The following EIF4G3 variants were observed in gnomAD, a reference collection of about 807,000 sequenced individuals.
EIF4G3 encodes the protein eukaryotic translation initiation factor 4 gamma 3.
EIF4G3 carries 34 observed loss-of-function variants against 186.4 expected under a neutral mutation model. The observed-to-expected ratio is 0.18, with a 90% CI of 0.14 to 0.24. The LOEUF is 0.24. Among genes scored for constraint, EIF4G3 ranks in the 10% least tolerant of loss-of-function variants. The probability of loss-of-function intolerance (pLI) is 1.00; values close to 1 mark genes in which losing one functional copy is unlikely to be tolerated. For missense variants in EIF4G3, 1,536 were observed against 1,948.5 expected (o/e 0.79, Z 3.99); for synonymous variants, 673 against 679.5 (o/e 0.99, Z 0.15).
chr1:20,902,066 A>ATTTT (rs764509538), intron 15 of EIF4G3, among the ~76,000 whole-genome samples: 1 of 143,546 alleles, frequency 7.0e-6, no homozygotes, highest in Non-Finnish European at 1.5e-5. Context: ...CTAGGCTATA[A>ATTTT]TTTTTTTTTT....
At chr1:21,086,938 CAAAAAAA>C (rs71014153) in intron 3 of EIF4G3, among the ~76,000 whole-genome samples, 2 of 76,562 alleles carry the variant, frequency 2.6e-5, no homozygotes, top group Non-Finnish European at 5.4e-5. Context: ...GATTCCTTCT[CAAAAAAA>C]AAAAAAAAGA....
chr1:20,869,116 T>C (rs915098091), intron 20 of EIF4G3, among the ~76,000 whole-genome samples: 4 of 152,148 alleles, frequency 2.6e-5, no homozygotes, highest in African/African-American at 9.7e-5. Context: ...TGGCTTGGCA[T>C]GTTCAGGATT....
chr1:20,831,282 T>A (rs914017502), intron 30 of EIF4G3, among the ~76,000 whole-genome samples: 2 of 151,380 alleles, frequency 1.3e-5, no homozygotes, highest in African/African-American at 4.8e-5. Context: ...ATATTAATTT[T>A]TTTTTTTTTT....
intron 2 of EIF4G3, among the ~76,000 whole-genome samples, chr1:21,140,675 G>A (rs2097322642): frequency 6.6e-6 from 1 of 152,186 alleles, no homozygotes; most frequent in South Asian, 2.1e-4. Context: ...TTTCAGCAAT[G>A]GCTGATGTGA....
chr1:21,064,631 G>T (rs2095132292), intron 3 of EIF4G3: 1 of 152,066 alleles, frequency 6.6e-6, no homozygotes, highest in Non-Finnish European at 1.5e-5. Context: ...ACCTTGATCA[G>T]TTAGGAATGA....
At chr1:20,817,732 C>T (rs1168576870) in intron 33 of EIF4G3, among the ~76,000 whole-genome samples, 194 bp from the exon 34 acceptor site, 1 of 137,568 alleles carries the variant, frequency 7.3e-6, no homozygotes, top group Non-Finnish European at 1.5e-5. Context: ...GTCATCCAGG[C>T]TGGAGTAGTT....
At chr1:21,083,038 A>C (rs2095841427) in intron 3 of EIF4G3, among the ~76,000 whole-genome samples, 1 of 7,048 alleles carries the variant, frequency 1.4e-4, no homozygotes, top group African/African-American at 2.1e-4. Context: ...ACTCTGTCTC[A>C]AAAAAAAAAA....
intron 4 of EIF4G3, among the ~76,000 whole-genome samples, chr1:21,045,909 C>T (rs1011651706): frequency 3.9e-5 from 6 of 152,106 alleles, no homozygotes; most frequent in South Asian, 2.1e-4. Context: ...CCAAAACCCA[C>T]GGAAGTCTTA....
At position 21,117,736 on chromosome 1, in the gene EIF4G3, TAAAAA is replaced by T. The variant is rs71014156; in HGVS notation, c.-271-28528_-271-28524del. ...GGCCTTTCACTGTCCCAGTATATAG[TAAAAA>T]AAAAAAAAAAAAAAAAAAAATTAAA... On this transcript the variant is annotated intron_variant, in intron 2 of 36. Coordinates refer to ENST00000602326, the MANE Select transcript of EIF4G3 (RefSeq NM_001391906.1). Among the ~76,000 whole-genome samples the T allele has an allele frequency of 8.0e-3, 587 of 73,082 alleles. 8 individuals carry two copies. Among genetic ancestry groups the T allele is most frequent in the African/African-American group, 0.025 (531 of 20,832 alleles). The allele number at this position is 73,082 out of a possible 152,430, so 47.9% of individuals were successfully genotyped here. A position where few individuals can be genotyped will look rare whatever the true frequency, so the allele number is the denominator to read the frequency against.
Position 21,050,963 on chromosome 1 carries a change from G to A in EIF4G3, c.-164C>T, listed in dbSNP as rs2094175889. On this transcript the variant is annotated 5_prime_UTR_variant, in exon 4 of 37. Coordinates refer to ENST00000602326, the MANE Select transcript of EIF4G3 (RefSeq NM_001391906.1). ...ATGTGCTGAATAAGGGGATGGGGTAGGGGTTCCCGGCTGTCTTGCCACTTG... is the reference window on the plus strand; with the variant it reads ...ATGTGCTGAATAAGGGGATGGGGTAAGGGTTCCCGGCTGTCTTGCCACTTG... 1.4e-6 allele frequency: 1 copy of A among 717,530 alleles called. No homozygotes were observed. Among genetic ancestry groups the A allele is most frequent in the Non-Finnish European group, 2.6e-6 (1 of 385,074 alleles). The allele number at this position is 717,530 out of a possible 1,614,324, so 44.4% of individuals were successfully genotyped here.
intron 4 of EIF4G3, among the ~76,000 whole-genome samples, chr1:21,024,251 G>A (rs548439533): frequency 5.4e-5 from 8 of 147,014 alleles, no homozygotes; most frequent in African/African-American, 1.8e-4. Context: ...CAGCCGCCCC[G>A]TCCGGGAGGT....
chr1:20,996,791 A>C (rs1293920589), intron 7 of EIF4G3, among the ~76,000 whole-genome samples: 1 of 152,204 alleles, frequency 6.6e-6, no homozygotes, highest in Non-Finnish European at 1.5e-5. Flanking sequence ...AGACTTGCCT[A>C]ACCAGCTGGT....
chr1:20,952,436 A>G (rs1040240735), intron 12 of EIF4G3, among the ~76,000 whole-genome samples: 8 of 152,144 alleles, frequency 5.3e-5, no homozygotes, highest in African/African-American at 1.9e-4. Context: ...TTACAGACGT[A>G]AGCCACTGCG....
intron 1 of EIF4G3, among the ~76,000 whole-genome samples, 173 bp from the exon 2 acceptor site, chr1:21,176,531 G>A (rs898065119): frequency 0.011 from 1,577 of 138,452 alleles, 16 homozygotes; most frequent in Non-Finnish European, 0.017. Context: ...CTGGGGGGAG[G>A]AGGAGGAGGG....
intron 15 of EIF4G3, among the ~76,000 whole-genome samples, chr1:20,903,330 G>C (rs567055459): frequency 1.3e-5 from 2 of 152,214 alleles, no homozygotes; most frequent in South Asian, 2.1e-4. Flanking sequence ...TGAACCTCAA[G>C]CTGAAGATTA....
intron 2 of EIF4G3, among the ~76,000 whole-genome samples, chr1:21,096,214 T>C (rs1478562574): frequency 2.0e-5 from 3 of 152,148 alleles, no homozygotes; most frequent in Admixed American, 1.3e-4. Context: ...TATTCAACCA[T>C]AAAAAAATGA....
chr1:21,116,501 C>T (rs932688160), intron 2 of EIF4G3, among the ~76,000 whole-genome samples: 7 of 151,900 alleles, frequency 4.6e-5, no homozygotes, highest in African/African-American at 1.2e-4. Flanking sequence ...GACACAGATT[C>T]GGATATTAGG....
intron 10 of EIF4G3, among the ~76,000 whole-genome samples, chr1:20,978,281 G>A (rs991843502): frequency 6.6e-6 from 1 of 151,996 alleles, no homozygotes; most frequent in African/African-American, 2.4e-5. Flanking sequence ...GTCAAAAATT[G>A]GGTGATATAT....
chr1:21,012,112 CT>C (rs368335881), intron 4 of EIF4G3, among the ~76,000 whole-genome samples: 1 of 152,206 alleles, frequency 6.6e-6, no homozygotes, highest in African/African-American at 2.4e-5. Flanking sequence ...AGTTTTCCTC[CT>C]TTACCTCTTG....
Sources: gnomAD v4.1 joint callset for allele counts (sites outside exome capture counted in the v4.1 genomes callset) on GRCh38, gnomAD v4.1.1 for gene constraint, MANE v1.5 for transcripts, NCBI Gene and HGNC (gene_info 2026-07-23, HGNC 2026-07-21) for gene names.